Variants in CCDC38 observed in about 807,000 individuals in gnomAD.
CCDC38 encodes coiled-coil domain containing 38.
In CCDC38, 69 loss-of-function variants were observed where a neutral mutation model predicts 72.8. The ratio of observed to expected loss-of-function variants is 0.95; its 90% CI spans 0.78 to 1.16. The LOEUF (loss-of-function observed/expected upper bound fraction) is 1.16, where lower values mean the gene tolerates loss of function less well. CCDC38 is among the 50% of genes most tolerant of loss of function. The probability of loss-of-function intolerance (pLI) is 0.00; values close to 1 mark genes in which losing one functional copy is unlikely to be tolerated. For missense variants in CCDC38, 626 were observed against 638.9 expected (o/e 0.98, Z 0.22); for synonymous variants, 201 against 213.2 (o/e 0.94, Z 0.50).
At chr12:95,920,143 C>T (rs375497503) in intron 2 of CCDC38, among the ~76,000 whole-genome samples, 22 of 152,238 alleles carry the variant, frequency 1.4e-4, no homozygotes, top group African/African-American at 5.3e-4. Context: ...ATTGTAGCTC[C>T]TATAATTCCC....
chr12:95,888,316 T>C, intron 10 of CCDC38, 142 bp downstream of exon 10: 1 of 709,820 alleles, frequency 1.4e-6, no homozygotes, highest in Non-Finnish European at 2.5e-6. Context: ...ATCTCAGGAG[T>C]GCACAGAAAT....
intron 2 of CCDC38, among the ~76,000 whole-genome samples, chr12:95,920,575 A>G (rs1409260080): frequency 6.6e-6 from 1 of 152,226 alleles, no homozygotes; most frequent in African/African-American, 2.4e-5. Context: ...CATTGGAAAC[A>G]TGTTAAGTAA....
At chr12:95,917,866 C>G (rs868281038) in intron 3 of CCDC38, among the ~76,000 whole-genome samples, 1 of 99,150 alleles carries the variant, frequency 1.0e-5, no homozygotes, top group Non-Finnish European at 2.4e-5. Context: ...GCAAGACTGT[C>G]AAAAAAAAAA....
chr12:95,939,423 C>T (rs575178185), intron 1 of CCDC38, among the ~76,000 whole-genome samples: 67 of 152,260 alleles, frequency 4.4e-4, no homozygotes, highest in African/African-American at 1.6e-3. Context: ...AAGGGTCACA[C>T]AGGGAGATCT....
intron 4 of CCDC38, among the ~76,000 whole-genome samples, chr12:95,909,656 A>C (rs182377760): frequency 0.011 from 1,658 of 150,274 alleles, 30 homozygotes; most frequent in African/African-American, 0.038. Context: ...TCCTCAAAAA[A>C]ACACTAGCAA....
intron 9 of CCDC38, among the ~76,000 whole-genome samples, chr12:95,889,731 G>A (rs1044359516): frequency 3.4e-4 from 51 of 152,078 alleles, no homozygotes; most frequent in African/African-American, 1.1e-3. Flanking sequence ...GATGGATACA[G>A]GGAAGGGCAG....
At chr12:95,882,086 C>T (rs966278099) in intron 10 of CCDC38, among the ~76,000 whole-genome samples, 6 of 152,196 alleles carry the variant, frequency 3.9e-5, no homozygotes, top group African/African-American at 1.4e-4. Flanking sequence ...GAGATACCTC[C>T]TTAAAGCATA....
chr12:95,899,156 C>G (rs1046588096), intron 5 of CCDC38, among the ~76,000 whole-genome samples: 3 of 152,188 alleles, frequency 2.0e-5, no homozygotes, highest in Admixed American at 1.3e-4. Flanking sequence ...GCCAGTGATG[C>G]ATTCCTGGGA....
At chr12:95,922,132 C>T (rs1592797496) in intron 2 of CCDC38, among the ~76,000 whole-genome samples, 2 of 152,210 alleles carry the variant, frequency 1.3e-5, no homozygotes, top group Middle Eastern at 6.8e-3. Flanking sequence ...ATTATAGAAA[C>T]TCCAAACACA....
chr12:95,930,696 A>G (rs1057427230), intron 2 of CCDC38, among the ~76,000 whole-genome samples: 4 of 152,156 alleles, frequency 2.6e-5, no homozygotes, highest in African/African-American at 9.7e-5. Context: ...TCAACCCCTT[A>G]CAGCACTCCA....
chr12:95,880,034 GAA>G, intron 11 of CCDC38: 1 of 285,676 alleles, frequency 3.5e-6, no homozygotes, highest in Non-Finnish European at 6.5e-6. Flanking sequence ...AAGAAAAAAG[GAA>G]GAAGAGGGTG....
chr12:95,903,877 A>G (rs913738174), intron 5 of CCDC38: 1 of 159,008 alleles, frequency 6.3e-6, no homozygotes, highest in Admixed American at 6.4e-5. Flanking sequence ...TAGTTTTGAT[A>G]TGAGGGTAAT....
At chr12:95,914,056 G>A (rs1592789704) in intron 4 of CCDC38, among the ~76,000 whole-genome samples, 1 of 152,230 alleles carries the variant, frequency 6.6e-6, no homozygotes, top group Non-Finnish European at 1.5e-5. Context: ...GGGAGTGGTG[G>A]CCCATGCCTG....
intron 2 of CCDC38, among the ~76,000 whole-genome samples, chr12:95,929,861 G>C (rs1443041057): frequency 6.6e-6 from 1 of 152,186 alleles, no homozygotes; most frequent in African/African-American, 2.4e-5. Flanking sequence ...CTCTCTTGGT[G>C]AAGCCTCTAG....
At chr12:95,909,486 G>C (rs768499437) in intron 4 of CCDC38, among the ~76,000 whole-genome samples, 35 of 152,162 alleles carry the variant, frequency 2.3e-4, no homozygotes, top group Non-Finnish European at 3.7e-4. Flanking sequence ...AGAAAGGCTA[G>C]TACCAATCCT....
At chr12:95,937,814 T>C (rs113474110) in intron 1 of CCDC38, among the ~76,000 whole-genome samples, 1 of 152,240 alleles carries the variant, frequency 6.6e-6, no homozygotes, top group African/African-American at 2.4e-5. Flanking sequence ...GTACCTACTA[T>C]GTGTCAGGCA....
Position 95,878,252 on chromosome 12 carries a change from A to G in CCDC38, c.1237T>C (p.Ser413Pro), listed in dbSNP as rs762891156. The G allele has an allele frequency of 1.7e-5, 27 of 1,613,526 alleles. No individual in the cohort carries two copies. In the Admixed American group the frequency reaches 4.2e-4, roughly 25 times the overall value. ...AATTCTCCAAAGCTAAAGAGCTTGG[A>G]CTTTAATTGCAATTCTGCTGCTTTC... Reference protein sequence around the residue: ...EEKAAELQLKSKLFSFGEFNS... With the variant: ...EEKAAELQLKPKLFSFGEFNS... The change falls in exon 13 of 16, where the codon TCC becomes CCC. Residue 413 changes from serine to proline, a missense_variant. Transcript: ENST00000344280.
Position 95,879,694 on chromosome 12 carries a change from A to G in CCDC38, c.1092T>C (p.Asp364=). The G allele has an allele frequency of 1.2e-6, 2 of 1,607,768 alleles. No homozygotes were observed. Among genetic ancestry groups the G allele is most frequent in the South Asian group, 1.1e-5 (1 of 90,748 alleles). The change falls in exon 12 of 16, where the codon GAT becomes GAC. Residue 364 remains aspartate, a synonymous_variant. Coordinates refer to ENST00000344280, the MANE Select transcript of CCDC38 (RefSeq NM_182496.3). This position sits in a 1 kb window ranked among gnomAD's most constrained non-coding sequence, Gnocchi z 5.5. ...LTLFQYSQDV[D]ENLEEVNKRE... is the part of the protein sequence containing the mutation. ...TTTTGTTTACCTCTTCAAGATTTTC[A>G]TCTACATCTTGGGAATATTGAAACA...
chr12:95,919,280 A>G (rs2080177984), intron 2 of CCDC38, among the ~76,000 whole-genome samples: 1 of 152,226 alleles, frequency 6.6e-6, no homozygotes, highest in Admixed American at 6.5e-5. Flanking sequence ...TGAGGTACAG[A>G]AACAGCTGGA....
Sources: gnomAD v4.1 joint callset for allele counts (sites outside exome capture counted in the v4.1 genomes callset) on GRCh38, gnomAD v4.1.1 for gene constraint, Gnocchi (gnomAD v3.1) non-coding constraint, MANE v1.5 for transcripts, NCBI Gene and HGNC (gene_info 2026-07-23, HGNC 2026-07-21) for gene names.